Variants in BLMH observed in about 807,000 individuals in gnomAD.
The protein encoded by BLMH is bleomycin hydrolase.
A neutral mutation model predicts 61.6 loss-of-function variants in BLMH; 32 were observed. The ratio of observed to expected loss-of-function variants is 0.52; its 90% CI spans 0.39 to 0.70. The LOEUF is 0.70. Among genes scored for constraint, BLMH ranks in the 30% least tolerant of loss-of-function variants. BLMH has a pLI of 0.00. For missense variants in BLMH, 460 were observed against 555.5 expected (o/e 0.83, Z 1.73); for synonymous variants, 183 against 193.8 (o/e 0.94, Z 0.46).
chr17:30,259,556 G>GA (rs1300939838), intron 11 of BLMH, among the ~76,000 whole-genome samples: 2 of 151,314 alleles, frequency 1.3e-5, no homozygotes, highest in South Asian at 4.2e-4. Context: ...TGCCCTCTTG[G>GA]AAAAAAAATC....
At chr17:30,288,006 G>T in intron 3 of BLMH, 59 bp from the exon 4 acceptor site, 1 of 1,495,488 alleles carries the variant, frequency 6.7e-7, no homozygotes, top group Non-Finnish European at 9.1e-7. Context: ...AATTTTATTG[G>T]CATTATCAAC....
chr17:30,274,663 A>G (rs1908369033), intron 6 of BLMH, among the ~76,000 whole-genome samples: 1 of 152,114 alleles, frequency 6.6e-6, no homozygotes, highest in Admixed American at 6.5e-5. Flanking sequence ...CTGGAGTTGG[A>G]TGACAATGCC....
chr17:30,253,164 G>A (rs569670430), intron 11 of BLMH, among the ~76,000 whole-genome samples: 188 of 152,256 alleles, frequency 1.2e-3, no homozygotes, highest in African/African-American at 4.4e-3. Context: ...GGCAGGTGAA[G>A]GATAGAAGCA....
chr17:30,291,552 A>G (rs1332575514), intron 1 of BLMH, 44 bp from the exon 2 acceptor site: 7 of 1,604,172 alleles, frequency 4.4e-6, no homozygotes, highest in Non-Finnish European at 6.0e-6. Flanking sequence ...AAGAGGGGGA[A>G]AGGGCTGATC....
chr17:30,265,161 T>C (rs1908066039), intron 11 of BLMH, among the ~76,000 whole-genome samples: 1 of 152,232 alleles, frequency 6.6e-6, no homozygotes, highest in Admixed American at 6.5e-5. Context: ...ATATAAACAC[T>C]GGGCTGCTGA....
chr17:30,286,470 A>G (rs1908729996), intron 5 of BLMH, among the ~76,000 whole-genome samples: 1 of 152,240 alleles, frequency 6.6e-6, no homozygotes. Context: ...TTACTAGCAC[A>G]TAAAGCAGTC....
intron 11 of BLMH, among the ~76,000 whole-genome samples, chr17:30,254,503 A>G (rs566273239): frequency 2.2e-4 from 33 of 152,366 alleles, no homozygotes; most frequent in Admixed American, 5.9e-4. Flanking sequence ...AAGACTGTGT[A>G]GCAACATGAA....
At chr17:30,252,315 G>A (rs981677861) in intron 11 of BLMH, 3 of 152,128 alleles carry the variant, frequency 2.0e-5, no homozygotes, top group African/African-American at 7.2e-5. Flanking sequence ...TTGATTTGGT[G>A]AAGTCATCTA....
At position 30,272,841 on chromosome 17, in the gene BLMH, T is replaced by G. The variant is rs1320829352; in HGVS notation, c.860A>C (p.Glu287Ala). The G allele has an allele frequency of 6.2e-7, 1 of 1,614,054 alleles. No individual in the cohort carries two copies. Among genetic ancestry groups the G allele is most frequent in the Admixed American group, 1.7e-5 (1 of 60,002 alleles). Residue 287 changes from glutamate (E) to alanine (A), a missense_variant, in exon 8 of 12, where the codon GAA becomes GCA. Transcript: ENST00000261714. The stretch of plus-strand genomic sequence containing the variant: ...CCCTCCAACCATATTGCTTAAGTAT[T>G]CCACTGTGTAAAGTTTGTTGTACTT... Reference protein sequence around the residue: ...QHKYNKLYTVEYLSNMVGGRK... With the variant: ...QHKYNKLYTVAYLSNMVGGRK...
chr17:30,276,162 T>G (rs1309736416), intron 6 of BLMH, among the ~76,000 whole-genome samples: 1 of 152,162 alleles, frequency 6.6e-6, no homozygotes, highest in African/African-American at 2.4e-5. Flanking sequence ...CAACAAAATA[T>G]TGCTCCTTGG....
At chr17:30,265,523 TA>T (rs1908078423) in intron 11 of BLMH, among the ~76,000 whole-genome samples, 1 of 152,216 alleles carries the variant, frequency 6.6e-6, no homozygotes, top group African/African-American at 2.4e-5. Flanking sequence ...AAAGAGTTGC[TA>T]AAATTTCTTT....
At position 30,272,546 on chromosome 17, in the gene BLMH, A is replaced by AT; in HGVS notation, c.1028+14dup. The AT allele has an allele frequency of 1.2e-6, 2 of 1,614,018 alleles. No individual in the cohort carries two copies. The highest frequency in any genetic ancestry group is 1.7e-6 in the Non-Finnish European group (2 of 1,179,930). On this transcript the variant is annotated intron_variant, in intron 9 of 11. Coordinates refer to ENST00000261714, the MANE Select transcript of BLMH (RefSeq NM_000386.4). The stretch of plus-strand genomic sequence containing the variant: ...ACCCACAAATGACTTTCCATTTTAA[A>AT]TTTCCTGCACTCACAGATTCATGTC...
Position 30,289,125 on chromosome 17 carries a change from T to C in BLMH, c.321+248A>G, listed in dbSNP as rs747844701. Among the ~76,000 whole-genome samples the C allele has an allele frequency of 8.4e-4, 127 of 152,022 alleles. 1 individual carries two copies. The highest frequency in any genetic ancestry group is 2.4e-4 in the Non-Finnish European group (16 of 67,992). ...GAATATTGAATATAAAATTTAAAAT[T>C]TTAAATAGACAAGCAAGCAGTAAGA... On this transcript the variant is annotated intron_variant, in intron 3 of 11. Transcript: ENST00000261714.
chr17:30,291,029 A>G (rs1908871080), intron 2 of BLMH: 2 of 403,968 alleles, frequency 5.0e-6, no homozygotes, highest in Admixed American at 3.7e-5. Context: ...GACACGGGCT[A>G]CAAACCACAC....
intron 6 of BLMH, among the ~76,000 whole-genome samples, chr17:30,275,375 A>G (rs1410518764): frequency 6.6e-6 from 1 of 152,206 alleles, no homozygotes; most frequent in Non-Finnish European, 1.5e-5. Flanking sequence ...AAATGCAAAA[A>G]CAAGGCTGGG....
At chr17:30,283,977 T>C (rs549935302) in intron 6 of BLMH, among the ~76,000 whole-genome samples, 66 of 152,302 alleles carry the variant, frequency 4.3e-4, no homozygotes, top group African/African-American at 1.3e-3. Flanking sequence ...TAATCCTTGA[T>C]TCCCCAAAAA....
chr17:30,289,566 T>C, intron 2 of BLMH, 84 bp from the exon 3 acceptor site: 2 of 823,942 alleles, frequency 2.4e-6, no homozygotes, highest in Non-Finnish European at 3.7e-6. Context: ...AATGAACTCA[T>C]GACACGATCT....
intron 11 of BLMH, among the ~76,000 whole-genome samples, chr17:30,262,266 G>A (rs1907978472): frequency 1.3e-5 from 2 of 152,214 alleles, no homozygotes; most frequent in South Asian, 2.1e-4. Flanking sequence ...TCTAGAAATG[G>A]AATACAATCT....
chr17:30,283,523 T>TC, intron 6 of BLMH, among the ~76,000 whole-genome samples: 1 of 148,472 alleles, frequency 6.7e-6, no homozygotes. Context: ...TCCATCTTTT[T>TC]TTTTTTTTTT....
Sources: allele counts gnomAD v4.1 joint callset (sites outside exome capture counted in the v4.1 genomes callset), GRCh38; gene constraint gnomAD v4.1.1; transcripts MANE v1.5; gene names NCBI Gene and HGNC (gene_info 2026-07-23, HGNC 2026-07-21).